IDE: variants seen among roughly 807,000 people sequenced by gnomAD.
The protein encoded by IDE is insulin degrading enzyme.
IDE carries 58 observed loss-of-function variants against 133.2 expected under a neutral mutation model. That is an observed-to-expected ratio of 0.44 (90% CI 0.35 to 0.54). The LOEUF is 0.54. Ranked by LOEUF, IDE falls within the 20% of genes least tolerant of loss-of-function variation. The pLI is 0.00. For synonymous variants in IDE, 396 were observed against 421.3 expected (o/e 0.94, Z 0.73); for missense variants, 981 against 1,234.0 (o/e 0.79, Z 3.07).
chr10:92,462,046 T>C (rs569745101), intron 21 of IDE, among the ~76,000 whole-genome samples: 4 of 152,012 alleles, frequency 2.6e-5, no homozygotes, highest in African/African-American at 4.8e-5. Context: ...CTGGGCACAG[T>C]GGCTCATGCC....
intron 22 of IDE, among the ~76,000 whole-genome samples, chr10:92,457,211 G>C (rs866453815): frequency 6.6e-6 from 1 of 152,136 alleles, no homozygotes; most frequent in Non-Finnish European, 1.5e-5. Flanking sequence ...GGACAAGCAC[G>C]AGTGCCTGCT....
chr10:92,483,269 G>T lies in IDE; in HGVS notation c.1725C>A (p.Asn575Lys). The T allele has an allele frequency of 6.3e-7, 1 of 1,593,352 alleles. No homozygotes were observed. The highest frequency in any genetic ancestry group is 8.6e-7 in the Non-Finnish European group (1 of 1,161,242). ...ATCTTACATACCTGAAAAATTCAAA[G>T]TTGAGACAAGCCTTCGGCAAAAAAA... Reference protein sequence around the residue: ...DKFFLPKACLNFEFFSPFAYV... With the variant: ...DKFFLPKACLKFEFFSPFAYV... The change falls in exon 14 of 25, where the codon AAC (asparagine) becomes AAA (lysine). Residue 575 changes from asparagine to lysine, a missense_variant. By Grantham distance (94) the Asn-to-Lys change is moderately conservative. Around this residue, in one of 2 missense-constraint regions of IDE, gnomAD observed 660 missense variants for 894.7 expected, o/e 0.74. Coordinates refer to ENST00000265986, the MANE Select transcript of IDE (RefSeq NM_004969.4).
intron 11 of IDE, among the ~76,000 whole-genome samples, chr10:92,498,428 G>A (rs1220530105): frequency 7.1e-6 from 1 of 141,402 alleles, no homozygotes; most frequent in African/African-American, 2.7e-5. Flanking sequence ...TTTGAGACCA[G>A]CCTGGCCAAC....
intron 4 of IDE, among the ~76,000 whole-genome samples, chr10:92,523,089 T>C (rs1849317606): frequency 6.6e-6 from 1 of 152,154 alleles, no homozygotes; most frequent in African/African-American, 2.4e-5. Context: ...AAATTTGGGC[T>C]CATTTATATT....
At chr10:92,507,507 A>T (rs1848358680) in intron 9 of IDE, 68 bp downstream of exon 9, 2 of 830,730 alleles carry the variant, frequency 2.4e-6, no homozygotes, top group African/African-American at 1.7e-5. Flanking sequence ...TTAAATTTAA[A>T]TTAATTCACA....
chr10:92,485,392 T>C (rs756346600), intron 13 of IDE, among the ~76,000 whole-genome samples: 3 of 152,188 alleles, frequency 2.0e-5, no homozygotes, highest in Non-Finnish European at 4.4e-5. Flanking sequence ...GTGCTGGGAT[T>C]ACAGGCGTGA....
chr10:92,487,405 T>C (rs1847065943), intron 12 of IDE, 87 bp from the exon 13 acceptor site: 2 of 1,093,684 alleles, frequency 1.8e-6, no homozygotes, highest in Non-Finnish European at 2.6e-6. Context: ...TGGGCAAATA[T>C]TAAGTGCACA....
At chr10:92,477,600 C>T (rs77132316) in intron 15 of IDE, among the ~76,000 whole-genome samples, 5,175 of 152,284 alleles carry the variant, frequency 0.034, 135 homozygotes, top group Admixed American at 0.058. Context: ...AAAGTCTCTA[C>T]GCTGTACAGG....
rs1589384067 is a variant in IDE at position 92,474,664 on chromosome 10, T to C, written c.2116+177A>G. ...TCTTCCTTCTACCTATTTAAAAGTA[T>C]ATGTTACTGTTAACTATAGCCATCC... is the stretch of plus-strand genomic sequence containing the variant. On this transcript the variant is annotated intron_variant, in intron 17 of 24. Transcript: ENST00000265986. 5.6e-6 allele frequency: 3 copies of C among 538,982 alleles called. No homozygotes were observed. In the Admixed American group the frequency reaches 1.0e-4, roughly 19 times the overall value. The allele number at this position is 538,982 out of a possible 1,614,324, so 33.4% of individuals were successfully genotyped here.
chr10:92,537,948 C>G (rs778348017), intron 1 of IDE, among the ~76,000 whole-genome samples: 1 of 152,026 alleles, frequency 6.6e-6, no homozygotes, highest in Non-Finnish European at 1.5e-5. Context: ...CACTGCAGGC[C>G]TCAACCTCCT....
At chr10:92,461,312 TAC>T in intron 21 of IDE, 60 bp from the exon 22 acceptor site, 1 of 810,394 alleles carries the variant, frequency 1.2e-6, no homozygotes, top group Non-Finnish European at 2.1e-6. Context: ...CCCAGAACAG[TAC>T]ACTAAATGAC....
At chr10:92,522,317 G>C (rs1849269913) in intron 4 of IDE, among the ~76,000 whole-genome samples, 2 of 152,058 alleles carry the variant, frequency 1.3e-5, no homozygotes, top group African/African-American at 4.8e-5. Context: ...TTCTCCAAAA[G>C]AAACCAGGCT....
chr10:92,571,448 C>T (rs934171254), intron 1 of IDE, among the ~76,000 whole-genome samples: 1 of 152,088 alleles, frequency 6.6e-6, no homozygotes, highest in African/African-American at 2.4e-5. Context: ...GTTGATAGTC[C>T]CAACTGACAT....
At chr10:92,500,317 C>G (rs1847936808) in intron 11 of IDE, among the ~76,000 whole-genome samples, 1 of 150,976 alleles carries the variant, frequency 6.6e-6, no homozygotes, top group Admixed American at 6.6e-5. Flanking sequence ...AAAACCCCAA[C>G]TGACTGATAG....
chr10:92,527,912 G>C (rs1281766364), intron 4 of IDE, among the ~76,000 whole-genome samples: 1 of 152,254 alleles, frequency 6.6e-6, no homozygotes, highest in African/African-American at 2.4e-5. Flanking sequence ...ACTACTTGGG[G>C]AGCTGAGACA....
intron 9 of IDE, among the ~76,000 whole-genome samples, chr10:92,506,963 C>T (rs1215500054): frequency 1.3e-5 from 2 of 152,040 alleles, no homozygotes; most frequent in Non-Finnish European, 1.5e-5. Flanking sequence ...GAGATTATAC[C>T]TTTAAACTTT....
chr10:92,558,442 G>A (rs1234614545), intron 1 of IDE, among the ~76,000 whole-genome samples: 2 of 152,148 alleles, frequency 1.3e-5, no homozygotes, highest in Non-Finnish European at 2.9e-5. Context: ...AGCACAACCA[G>A]TTTTTTAAAA....
At chr10:92,521,839 G>A (rs1312065442) in intron 4 of IDE, among the ~76,000 whole-genome samples, 2 of 151,888 alleles carry the variant, frequency 1.3e-5, no homozygotes. Context: ...TGATAATAAT[G>A]GTAACAATAA....
intron 1 of IDE, among the ~76,000 whole-genome samples, chr10:92,557,891 AAAG>A (rs1432455588): frequency 2.6e-5 from 4 of 151,692 alleles, no homozygotes; most frequent in Non-Finnish European, 1.5e-5. Flanking sequence ...AAAAAAAAAA[AAAG>A]GATGCAAAAC....
Sources: gnomAD v4.1 joint callset for allele counts (sites outside exome capture counted in the v4.1 genomes callset) on GRCh38, gnomAD v4.1.1 for gene constraint, gnomAD v4.1.1 regional missense constraint, MANE v1.5 for transcripts, NCBI Gene and HGNC (gene_info 2026-07-23, HGNC 2026-07-21) for gene names.